Variants in KCNQ1 observed in about 807,000 individuals in gnomAD.
KCNQ1 encodes the protein potassium voltage-gated channel subfamily Q member 1, also known as potassium voltage-gated channel subfamily KQT member 1.
KCNQ1 carries 49 observed loss-of-function variants against 72.4 expected under a neutral mutation model. The observed-to-expected ratio is 0.68, with a 90% CI of 0.54 to 0.86. KCNQ1 has a LOEUF of 0.86. Among genes scored for constraint, KCNQ1 ranks in the 40% least tolerant of loss-of-function variants. The pLI, the probability that KCNQ1 is intolerant of heterozygous loss-of-function variation, is 0.00. For synonymous variants in KCNQ1, 450 were observed against 412.6 expected (o/e 1.09, Z -1.10); for missense variants, 790 against 945.1 (o/e 0.84, Z 2.15).
rs187466559 is a variant in KCNQ1, at chr11:2,780,616, C to A, written c.1794+2579C>A. 5.3e-3 allele frequency among the ~76,000 whole-genome samples: 802 copies of A among 152,354 alleles called. 5 individuals carry two copies. Among genetic ancestry groups the A allele is most frequent in the African/African-American group, 0.018 (755 of 41,594 alleles). ...CTCAGCTGGGCTGTGCAGTGAGTCC[C>A]ACCCCAGGCCAGCTTGCCTAGCCAT... On this transcript the variant is annotated intron_variant, in intron 15 of 15. Transcript: ENST00000155840.
intron 2 of KCNQ1, among the ~76,000 whole-genome samples, chr11:2,532,970 T>G (rs1431461978): frequency 6.6e-6 from 1 of 152,116 alleles, no homozygotes; most frequent in Non-Finnish European, 1.5e-5. Context: ...AGGGCGCTCG[T>G]GCTACATGCA....
intron 15 of KCNQ1, among the ~76,000 whole-genome samples, chr11:2,780,776 C>T (rs981306102): frequency 6.6e-6 from 1 of 152,176 alleles, no homozygotes; most frequent in Non-Finnish European, 1.5e-5. Context: ...TGGCAGGGAG[C>T]CCTCTTCTTC....
chr11:2,749,166 C>T (rs1846184407), intron 11 of KCNQ1, among the ~76,000 whole-genome samples: 1 of 152,192 alleles, frequency 6.6e-6, no homozygotes, highest in Admixed American at 6.5e-5. Flanking sequence ...GTCTCCTTTA[C>T]CAAATGGGGG....
At chr11:2,741,773 A>G (rs1846055805) in intron 11 of KCNQ1, among the ~76,000 whole-genome samples, 2 of 152,212 alleles carry the variant, frequency 1.3e-5, no homozygotes, top group African/African-American at 2.4e-5. Context: ...GGGCGCGCAG[A>G]CAGCTGGGGC....
At chr11:2,743,749 G>C (rs930513567) in intron 11 of KCNQ1, among the ~76,000 whole-genome samples, 13 of 152,244 alleles carry the variant, frequency 8.5e-5, no homozygotes, top group African/African-American at 2.4e-4. Context: ...ACTGTGCTTC[G>C]TGACAGGCCT....
rs2133713345 is a variant in KCNQ1 at position 2,563,008 on chromosome 11, T to A, written c.478-7620T>A. The stretch of plus-strand genomic sequence containing the variant: ...GGGTCTGCGAGGCTTCCTTTATGTT[T>A]TGCAAAAAAATCTATATATTTCATC... On this transcript the variant is annotated intron_variant, in intron 2 of 15. Coordinates refer to ENST00000155840, the MANE Select transcript of KCNQ1 (RefSeq NM_000218.3). The surrounding 1 kb of genome is among the most constrained non-coding windows in gnomAD (Gnocchi z 7.4). Among the ~76,000 whole-genome samples the A allele has an allele frequency of 6.6e-6, 1 of 152,290 alleles. No individual in the cohort carries two copies. The highest frequency in any genetic ancestry group is 2.4e-5 in the African/African-American group (1 of 41,556).
chr11:2,733,440 G>A (rs550755768), intron 11 of KCNQ1, among the ~76,000 whole-genome samples: 260 of 152,178 alleles, frequency 1.7e-3, no homozygotes, highest in Non-Finnish European at 2.9e-3. Context: ...CCCTCCCCAC[G>A]GCTTGGCTTC....
At chr11:2,540,118 G>C (rs926054116) in intron 2 of KCNQ1, among the ~76,000 whole-genome samples, 4 of 152,130 alleles carry the variant, frequency 2.6e-5, no homozygotes, top group African/African-American at 9.7e-5. Context: ...TGGCCATGGA[G>C]TACTGCACAG....
chr11:2,778,015 G>T lies in KCNQ1; in HGVS notation c.1772G>T (p.Arg591Leu), dbSNP rs199472814. Residue 591 changes from arginine (R) to leucine (L), a missense_variant, in exon 15 of 16, where the codon CGC becomes CTC. Arg to Leu is a moderately radical substitution (Grantham distance 102). Transcript: ENST00000155840. ...CGCGGCAGCAACACGATCGGCGCCC[G>T]CCTGAACCGAGTAGAAGACAAGGTA... The part of the protein sequence containing the change: ...KDRGSNTIGA[R>L]LNRVEDKVTQ... 6.2e-7 allele frequency: 1 copy of T among 1,613,638 alleles called. No individual in the cohort carries two copies. Among genetic ancestry groups the T allele is most frequent in the Non-Finnish European group, 8.5e-7 (1 of 1,180,016 alleles).
chr11:2,767,224 G>T lies in KCNQ1; in HGVS notation c.1515-1620G>T, dbSNP rs1031010714. On this transcript the variant is annotated intron_variant, in intron 11 of 15. Transcript: ENST00000155840. This position sits in a 1 kb window ranked among gnomAD's most constrained non-coding sequence, Gnocchi z 4.6. ...TTTGCTTAGCTAGGAGGTTGGACTT[G>T]GTTCAGCTAGGAGGTTGTTCTGTTG... Among the ~76,000 whole-genome samples the T allele has an allele frequency of 6.6e-6, 1 of 151,988 alleles. No individual in the cohort carries two copies. Among genetic ancestry groups the T allele is most frequent in the Non-Finnish European group, 1.5e-5 (1 of 67,980 alleles).
At chr11:2,789,158 T>C (rs1241233714) in intron 15 of KCNQ1, among the ~76,000 whole-genome samples, 1 of 152,122 alleles carries the variant, frequency 6.6e-6, no homozygotes, top group African/African-American at 2.4e-5. Flanking sequence ...GGAAAGACAG[T>C]GGACCCACCA....
chr11:2,490,509 A>G (rs1202635493), intron 1 of KCNQ1, among the ~76,000 whole-genome samples: 2 of 151,952 alleles, frequency 1.3e-5, no homozygotes, highest in African/African-American at 4.8e-5. Context: ...TGACCAGCAC[A>G]GTCCCAGTGG....
At chr11:2,633,924 G>C (rs1220915507) in intron 10 of KCNQ1, 4 of 398,410 alleles carry the variant, frequency 1.0e-5, no homozygotes, top group Non-Finnish European at 1.8e-5. Flanking sequence ...TTCTATCCTT[G>C]TTAGATTATG....
In KCNQ1 at chr11:2,617,558, AT is replaced by A; in HGVS notation, c.1393+28708del. ...GATATCTTTATGAGGTGGAGATTTC[AT>A]TTTCTTTGGGAATATACCTAGAAGA... On this transcript the variant is annotated intron_variant, in intron 10 of 15. Transcript: ENST00000155840. This position sits in a 1 kb window ranked among gnomAD's most constrained non-coding sequence, Gnocchi z 4.6. The A allele has an allele frequency of 2.5e-6, 1 of 398,436 alleles. No homozygotes were observed. The allele number at this position is 398,436 out of a possible 1,614,324, so 24.7% of individuals were successfully genotyped here. A position where few individuals can be genotyped will look rare whatever the true frequency, so the allele number is the denominator to read the frequency against.
chr11:2,469,674 T>A (rs988944258), intron 1 of KCNQ1, among the ~76,000 whole-genome samples: 7 of 80,742 alleles, frequency 8.7e-5, no homozygotes, highest in African/African-American at 3.6e-4. Flanking sequence ...TTTTAAACAA[T>A]TTTTTTTTTC....
intron 2 of KCNQ1, among the ~76,000 whole-genome samples, chr11:2,568,195 C>T (rs1405939895): frequency 1.3e-5 from 2 of 152,114 alleles, no homozygotes; most frequent in Admixed American, 6.6e-5. Flanking sequence ...ATTGCTTGAA[C>T]CTGGGAGGCA....
At position 2,711,157 on chromosome 11, in the gene KCNQ1, T is replaced by A. The variant is rs1437849406; in HGVS notation, c.1514+49076T>A. 6.6e-6 allele frequency among the ~76,000 whole-genome samples: 1 copy of A among 152,200 alleles called. No homozygotes were observed. The highest frequency in any genetic ancestry group is 1.5e-5 in the Non-Finnish European group (1 of 68,044). On this transcript the variant is annotated intron_variant, in intron 11 of 15. Transcript: ENST00000155840. This position sits in a 1 kb window ranked among gnomAD's most constrained non-coding sequence, Gnocchi z 5.4. The stretch of plus-strand genomic sequence containing the variant: ...TTTTTAAAAATTTGGTTCAAGAATA[T>A]CTCATAGTTTTCAGTATAGTTTTTG...
chr11:2,835,426 C>T (rs1467965005), intron 15 of KCNQ1, among the ~76,000 whole-genome samples: 3 of 146,146 alleles, frequency 2.1e-5, no homozygotes, highest in African/African-American at 7.5e-5. Flanking sequence ...CACACACACA[C>T]ACGCACACAT....
rs1482695434 is a variant in KCNQ1, at chr11:2,745,814, C to T, written c.1515-23030C>T. Among the ~76,000 whole-genome samples the T allele has an allele frequency of 6.6e-6, 1 of 152,250 alleles. No individual in the cohort carries two copies. The highest frequency in any genetic ancestry group is 6.5e-5 in the Admixed American group (1 of 15,284). On this transcript the variant is annotated intron_variant, in intron 11 of 15. Transcript: ENST00000155840. The surrounding 1 kb of genome is among the most constrained non-coding windows in gnomAD (Gnocchi z 6.2). ...TTCAGGCCTGAGCCCGGGGCCAGGA[C>T]CAGGAGCAGGCGGCAGCAGCAAGGC...
Sources: allele counts gnomAD v4.1 joint callset (sites outside exome capture counted in the v4.1 genomes callset), GRCh38; gene constraint gnomAD v4.1.1; non-coding constraint Gnocchi (gnomAD v3.1); transcripts MANE v1.5; gene names NCBI Gene and HGNC (gene_info 2026-07-23, HGNC 2026-07-21).